Variants in SEL1L observed in about 807,000 individuals in gnomAD.
SEL1L encodes the protein protein sel-1 homolog 1.
A neutral mutation model predicts 109.8 loss-of-function variants in SEL1L; 52 were observed. The ratio of observed to expected loss-of-function variants is 0.47; its 90% CI spans 0.38 to 0.60. SEL1L has a LOEUF of 0.60. SEL1L is among the 20% of genes least tolerant of loss of function. SEL1L has a pLI of 0.00. For missense variants in SEL1L, 749 were observed against 962.2 expected (o/e 0.78, Z 2.93); for synonymous variants, 373 against 339.6 (o/e 1.10, Z -1.08).
chr14:81,471,571 T>C lies in SEL1L; in HGVS notation c.*5401A>G, dbSNP rs1273240120. On this transcript the variant is annotated 3_prime_UTR_variant, in exon 21 of 21. Coordinates refer to ENST00000336735, the MANE Select transcript of SEL1L (RefSeq NM_005065.6). Reference sequence around the variant, plus strand: ...ATTGAGCAGCAACAAATTATTTATATGAACATTCCAAATTCAGTTAACTAA... The same window carrying C: ...ATTGAGCAGCAACAAATTATTTATACGAACATTCCAAATTCAGTTAACTAA... 1 of 152,212 alleles carries C rather than the reference T, an allele frequency of 6.6e-6. No individual in the cohort carries two copies. Among genetic ancestry groups the C allele is most frequent in the Non-Finnish European group, 1.5e-5 (1 of 68,036 alleles). The allele number at this position is 152,212 out of a possible 1,614,324, so 9.4% of individuals were successfully genotyped here.
chr14:81,482,600 C>A (rs915418732), intron 19 of SEL1L, among the ~76,000 whole-genome samples: 3 of 152,110 alleles, frequency 2.0e-5, no homozygotes, highest in African/African-American at 7.2e-5. Context: ...TAAAGAGAAG[C>A]TTCAGTTACT....
rs1555346599 is a variant in SEL1L at position 81,510,514 on chromosome 14, C to CTATATATATATATATA, written c.341-4289_341-4274dup. Among the ~76,000 whole-genome samples the CTATATATATATATATA allele has an allele frequency of 7.1e-4, 74 of 104,068 alleles. 2 individuals are homozygous for CTATATATATATATATA. Among genetic ancestry groups the CTATATATATATATATA allele is most frequent in the African/African-American group, 1.2e-3 (34 of 29,284 alleles). The allele number at this position is 104,068 out of a possible 152,430, so 68.3% of individuals were successfully genotyped here. A position where few individuals can be genotyped will look rare whatever the true frequency, so the allele number is the denominator to read the frequency against. Reference sequence around the variant, plus strand: ...TCTCTCTCTCTCTCTCTCTCTCTCTCTATATATATATATATAGACAATTAA... The same window carrying CTATATATATATATATA: ...TCTCTCTCTCTCTCTCTCTCTCTCTCTATATATATATATATATATATATATATATATAGACAATTAA... On this transcript the variant is annotated intron_variant, in intron 3 of 20. Coordinates refer to ENST00000336735, the MANE Select transcript of SEL1L (RefSeq NM_005065.6).
At chr14:81,516,062 C>CT (rs1884687914) in intron 3 of SEL1L, among the ~76,000 whole-genome samples, 1 of 152,170 alleles carries the variant, frequency 6.6e-6, no homozygotes, top group Admixed American at 6.5e-5. Flanking sequence ...AAGCTGCCCC[C>CT]TCGCCCATGT....
chr14:81,529,791 GAT>G (rs1424664877), intron 1 of SEL1L, among the ~76,000 whole-genome samples: 3 of 152,132 alleles, frequency 2.0e-5, no homozygotes, highest in Non-Finnish European at 4.4e-5. Context: ...TTTTCAAACT[GAT>G]ATAAACATTC....
chr14:81,526,393 T>C (rs1776909616), intron 3 of SEL1L, among the ~76,000 whole-genome samples: 1 of 152,210 alleles, frequency 6.6e-6, no homozygotes, highest in Non-Finnish European at 1.5e-5. Flanking sequence ...CAGTTCTTCC[T>C]GAGTTTCTGT....
chr14:81,484,297 A>C lies in SEL1L; in HGVS notation c.1974T>G (p.Ser658=), dbSNP rs1387236953. Residue 658 remains serine (S), a synonymous_variant, in exon 19 of 21, where the codon TCT becomes TCG. Transcript: ENST00000336735. ...ETAFIHYRLA[S]EQQHSAQAMF... ...TAGCTTGTGCACTGTGTTGCTGCTC[A>C]GAAGCCAGACGGTAATGAATAAATG... 5 of 1,614,060 alleles carry C rather than the reference A, an allele frequency of 3.1e-6. No individual in the cohort carries two copies. Among genetic ancestry groups the C allele is most frequent in the Non-Finnish European group, 4.2e-6 (5 of 1,180,008 alleles).
intron 4 of SEL1L, 96 bp downstream of exon 4, chr14:81,505,978 G>C (rs1169706035): frequency 8.0e-7 from 1 of 1,243,026 alleles, no homozygotes; most frequent in Admixed American, 2.1e-5. Flanking sequence ...GGCCATTTCT[G>C]ACCAATGTGG....
chr14:81,477,420 TTAATA>T (rs1277499486), intron 20 of SEL1L, among the ~76,000 whole-genome samples: 4 of 151,824 alleles, frequency 2.6e-5, no homozygotes, highest in Non-Finnish European at 5.9e-5. Flanking sequence ...TAGCTGACAC[TTAATA>T]TAAAATGTCT....
At chr14:81,484,589 C>A in intron 18 of SEL1L, 192 bp from the exon 19 acceptor site, 1 of 504,620 alleles carries the variant, frequency 2.0e-6, no homozygotes, top group Non-Finnish European at 3.5e-6. Flanking sequence ...TGTAGCTCTT[C>A]TGCAGAAGGC....
chr14:81,494,666 A>C (rs1883671797), intron 11 of SEL1L, among the ~76,000 whole-genome samples: 1 of 152,088 alleles, frequency 6.6e-6, no homozygotes, highest in Admixed American at 6.5e-5. Context: ...GGTCAACTTA[A>C]ATGTTTTCTA....
chr14:81,479,575 A>G (rs879074648), intron 20 of SEL1L, 37 bp downstream of exon 20: 2 of 1,579,328 alleles, frequency 1.3e-6, no homozygotes, highest in Non-Finnish European at 1.7e-6. Flanking sequence ...ACCTTCCATC[A>G]TTTATATTTT....
chr14:81,485,825 G>C, intron 17 of SEL1L, 79 bp from the exon 18 acceptor site: 1 of 1,135,846 alleles, frequency 8.8e-7, no homozygotes, highest in Non-Finnish European at 1.3e-6. Context: ...AAAGTAGGAA[G>C]GATAGGTGAA....
rs116233834 is a variant in SEL1L at position 81,491,203 on chromosome 14, T to C, written c.1255-738A>G. ...ATTCTTCTTTCTCCTCTACCACTAC[T>C]TTCCCCAGGATAAGATCACAAGTGG... On this transcript the variant is annotated intron_variant, in intron 12 of 20. Transcript: ENST00000336735. 4.6e-3 allele frequency among the ~76,000 whole-genome samples: 704 copies of C among 152,248 alleles called. 1 individual carries two copies. Among genetic ancestry groups the C allele is most frequent in the African/African-American group, 0.016 (669 of 41,544 alleles).
intron 3 of SEL1L, among the ~76,000 whole-genome samples, chr14:81,509,749 G>T (rs1884387271): frequency 6.6e-6 from 1 of 152,078 alleles, no homozygotes; most frequent in Admixed American, 6.5e-5. Context: ...CTTCAAGAGG[G>T]GGCATTTGGT....
chr14:81,525,971 T>A (rs888303339), intron 3 of SEL1L, among the ~76,000 whole-genome samples: 1 of 152,162 alleles, frequency 6.6e-6, no homozygotes, highest in African/African-American at 2.4e-5. Context: ...TTTAATTTTT[T>A]AAAAATAGTT....
At position 81,475,612 on chromosome 14, in the gene SEL1L, C is replaced by T. The variant is rs1903132775; in HGVS notation, c.*1360G>A. The stretch of plus-strand genomic sequence containing the variant: ...TACGAATGCAGTCTCAGACAAGATA[C>T]AGGCTGGTGAACACCACCATCTGAC... On this transcript the variant is annotated 3_prime_UTR_variant, in exon 21 of 21. Coordinates refer to ENST00000336735, the MANE Select transcript of SEL1L (RefSeq NM_005065.6). The T allele has an allele frequency of 6.6e-6, 1 of 152,216 alleles. No homozygotes were observed. The highest frequency in any genetic ancestry group is 6.5e-5 in the Admixed American group (1 of 15,276). The allele number at this position is 152,216 out of a possible 1,614,324, so 9.4% of individuals were successfully genotyped here.
Position 81,492,402 on chromosome 14 carries a change from T to C in SEL1L, c.1254+78A>G, listed in dbSNP as rs1475298356. 22 of 1,032,866 alleles carry C rather than the reference T, an allele frequency of 2.1e-5. No individual in the cohort carries two copies. In the Admixed American group the frequency reaches 3.8e-4, roughly 18 times the overall value. The allele number at this position is 1,032,866 out of a possible 1,614,324, so 64.0% of individuals were successfully genotyped here. ...TTTCCAATTTATTTTTGGTAAATTG[T>C]AGATCCTGAACACAATACATGCTAA... On this transcript the variant is annotated intron_variant, in intron 12 of 20. Transcript: ENST00000336735.
chr14:81,518,945 G>C (rs1023994235), intron 3 of SEL1L, among the ~76,000 whole-genome samples: 2 of 152,126 alleles, frequency 1.3e-5, no homozygotes, highest in African/African-American at 4.8e-5. Flanking sequence ...TCTTTGAGAA[G>C]GCTGGCTTCC....
In SEL1L at chr14:81,476,945, A is replaced by T. The variant is rs1422379024; in HGVS notation, c.*27T>A. 6.2e-7 allele frequency: 1 copy of T among 1,609,078 alleles called. No homozygotes were observed. Among genetic ancestry groups the T allele is most frequent in the South Asian group, 1.1e-5 (1 of 90,962 alleles). On this transcript the variant is annotated 3_prime_UTR_variant, in exon 21 of 21. Coordinates refer to ENST00000336735, the MANE Select transcript of SEL1L (RefSeq NM_005065.6). ...CCAGCAGATAACTTCCTTCGCTGTC[A>T]CTGATCAAGGCTGGACCCAGTGCCT...
Sources: gnomAD v4.1 joint callset for allele counts (sites outside exome capture counted in the v4.1 genomes callset) on GRCh38, gnomAD v4.1.1 for gene constraint, MANE v1.5 for transcripts, NCBI Gene and HGNC (gene_info 2026-07-23, HGNC 2026-07-21) for gene names.